Variants in GRM5 observed in about 807,000 individuals in gnomAD.
The protein encoded by GRM5 is glutamate metabotropic receptor 5, also known as metabotropic glutamate receptor 5.
GRM5 carries 19 observed loss-of-function variants against 83.1 expected under a neutral mutation model. The ratio of observed to expected loss-of-function variants is 0.23; its 90% CI spans 0.16 to 0.34. The LOEUF (loss-of-function observed/expected upper bound fraction) is 0.34, where lower values mean the gene tolerates loss of function less well. GRM5 is among the 10% of genes least tolerant of loss of function. The probability of loss-of-function intolerance (pLI) is 1.00; values close to 1 mark genes in which losing one functional copy is unlikely to be tolerated. For synonymous variants in GRM5, 675 were observed against 633.6 expected (o/e 1.07, Z -0.98); for missense variants, 1,160 against 1,588.3 (o/e 0.73, Z 4.58).
intron 3 of GRM5, among the ~76,000 whole-genome samples, chr11:88,682,653 A>G (rs573367541): frequency 2.0e-5 from 3 of 152,246 alleles, no homozygotes; most frequent in African/African-American, 7.2e-5. Flanking sequence ...CCTTCTCTCA[A>G]TAATGAATTT....
At chr11:88,605,853 C>T (rs577812364) in intron 4 of GRM5, among the ~76,000 whole-genome samples, 25 of 152,248 alleles carry the variant, frequency 1.6e-4, no homozygotes, top group African/African-American at 6.0e-4. Flanking sequence ...TCTAACTGCT[C>T]AGAACTTGCT....
intron 9 of GRM5, among the ~76,000 whole-genome samples, chr11:88,517,130 C>T (rs1591316218): frequency 6.7e-5 from 3 of 44,812 alleles, no homozygotes; most frequent in Non-Finnish European, 1.1e-4. Context: ...GGCTTCTGTA[C>T]ACACACACAC....
chr11:88,874,302 T>G (rs1944815520), intron 2 of GRM5, among the ~76,000 whole-genome samples: 1 of 151,886 alleles, frequency 6.6e-6, no homozygotes, highest in African/African-American at 2.4e-5. Context: ...TCCAGCCAAT[T>G]GCTTTTTGAC....
At chr11:89,015,498 G>T (rs1484317330) in intron 2 of GRM5, among the ~76,000 whole-genome samples, 1 of 152,102 alleles carries the variant, frequency 6.6e-6, no homozygotes, top group Non-Finnish European at 1.5e-5. Flanking sequence ...GGTAATACAG[G>T]TAGTCACTCA....
chr11:88,985,548 C>A (rs1939677138), intron 2 of GRM5, among the ~76,000 whole-genome samples: 1 of 149,888 alleles, frequency 6.7e-6, no homozygotes, highest in African/African-American at 2.5e-5. Flanking sequence ...CACTTTCTGA[C>A]ATAAAAAAAA....
intron 2 of GRM5, among the ~76,000 whole-genome samples, chr11:89,029,939 C>T (rs1196701158): frequency 1.3e-5 from 2 of 152,078 alleles, no homozygotes; most frequent in South Asian, 2.1e-4. Context: ...TCATATTACA[C>T]AACATTTTAT....
chr11:88,865,546 C>A (rs1194730993), intron 2 of GRM5, among the ~76,000 whole-genome samples: 2 of 152,004 alleles, frequency 1.3e-5, no homozygotes, highest in South Asian at 2.1e-4. Context: ...CAACAAAAGA[C>A]AAAATTGACA....
chr11:89,025,117 G>A (rs1941098379), intron 2 of GRM5, among the ~76,000 whole-genome samples: 1 of 152,162 alleles, frequency 6.6e-6, no homozygotes, highest in African/African-American at 2.4e-5. Flanking sequence ...ATCTTGTAAT[G>A]TGAGGATGTG....
chr11:88,852,040 G>A (rs1239193960), intron 2 of GRM5, among the ~76,000 whole-genome samples: 2 of 152,114 alleles, frequency 1.3e-5, no homozygotes, highest in African/African-American at 4.8e-5. Context: ...TTCATGTTTT[G>A]ATTTAAGGCA....
At chr11:89,057,850 T>C in intron 1 of GRM5, among the ~76,000 whole-genome samples, 1 of 152,284 alleles carries the variant, frequency 6.6e-6, no homozygotes, top group South Asian at 2.1e-4. Flanking sequence ...ATTTATAAAG[T>C]GCCTTCTTTC....
At chr11:88,995,450 C>T (rs868709797) in intron 2 of GRM5, among the ~76,000 whole-genome samples, 1 of 143,410 alleles carries the variant, frequency 7.0e-6, no homozygotes, top group African/African-American at 2.6e-5. Context: ...GAGGCCGAGG[C>T]AGAAGAATCA....
At chr11:88,949,622 T>C (rs1018404632) in intron 2 of GRM5, among the ~76,000 whole-genome samples, 6 of 152,184 alleles carry the variant, frequency 3.9e-5, no homozygotes, top group African/African-American at 1.4e-4. Flanking sequence ...ATATACCAAA[T>C]GTAAAAATAA....
chr11:88,870,201 G>A (rs1268440967), intron 2 of GRM5, among the ~76,000 whole-genome samples: 5 of 151,404 alleles, frequency 3.3e-5, no homozygotes, highest in South Asian at 4.1e-4. Flanking sequence ...GAATCATAGG[G>A]CCCATATGGG....
At chr11:88,575,343 A>G (rs916750190) in intron 7 of GRM5, among the ~76,000 whole-genome samples, 4 of 152,210 alleles carry the variant, frequency 2.6e-5, no homozygotes, top group African/African-American at 9.6e-5. Context: ...AGGGGGCAGT[A>G]TGAAGCTTAA....
At position 88,533,220 on chromosome 11, in the gene GRM5, C is replaced by T. The variant is rs1277835816; in HGVS notation, c.2631-7816G>A. Among the ~76,000 whole-genome samples, 4 of 152,164 alleles carry T rather than the reference C, an allele frequency of 2.6e-5. No individual in the cohort carries two copies. In the East Asian group the frequency reaches 7.7e-4, roughly 29 times the overall value. On this transcript the variant is annotated intron_variant, in intron 8 of 9. Coordinates refer to ENST00000305447, the MANE Select transcript of GRM5 (RefSeq NM_001143831.3). The stretch of plus-strand genomic sequence containing the variant: ...CACTCCCTGACTATCTCTCTGATCC[C>T]AAAAGTCACTTTTTCTCCCTTGCTC...
intron 3 of GRM5, among the ~76,000 whole-genome samples, chr11:88,750,457 C>T (rs1014038566): frequency 1.3e-5 from 2 of 152,148 alleles, no homozygotes; most frequent in South Asian, 2.1e-4. Context: ...TAGAGACCTC[C>T]AAAGAGACTT....
intron 3 of GRM5, among the ~76,000 whole-genome samples, chr11:88,710,534 C>T (rs1673370601): frequency 6.6e-6 from 1 of 152,082 alleles, no homozygotes; most frequent in South Asian, 2.1e-4. Context: ...TTTCCACTCC[C>T]ACAGAATATG....
chr11:88,987,360 C>T (rs532291671), intron 2 of GRM5, among the ~76,000 whole-genome samples: 144 of 151,752 alleles, frequency 9.5e-4, no homozygotes, highest in Non-Finnish European at 1.6e-3. Context: ...GAGGGTCCTA[C>T]GCCCACGGAG....
chr11:88,706,155 C>A (rs1220975914), intron 3 of GRM5, among the ~76,000 whole-genome samples: 1 of 152,030 alleles, frequency 6.6e-6, no homozygotes, highest in Non-Finnish European at 1.5e-5. Context: ...CCTTACATAA[C>A]CCATCAAAGT....
Sources: gnomAD v4.1 joint callset for allele counts (sites outside exome capture counted in the v4.1 genomes callset) on GRCh38, gnomAD v4.1.1 for gene constraint, MANE v1.5 for transcripts, NCBI Gene and HGNC (gene_info 2026-07-23, HGNC 2026-07-21) for gene names.